Variants in CNOT6L observed in about 807,000 individuals in gnomAD.
CNOT6L encodes the protein CCR4-NOT transcription complex subunit 6-like.
In CNOT6L, 7 loss-of-function variants were observed where a neutral mutation model predicts 64.0. The ratio of observed to expected loss-of-function variants is 0.11; its 90% CI spans 0.06 to 0.21. CNOT6L has a LOEUF of 0.21. CNOT6L is among the 10% of genes least tolerant of loss of function. The pLI is 1.00. For synonymous variants in CNOT6L, 193 were observed against 243.4 expected, an observed-to-expected ratio of 0.79 and a Z score of 1.93; for missense variants, 245 against 669.0, an observed-to-expected ratio of 0.37 and a Z score of 6.99.
intron 5 of CNOT6L, 97 bp from the exon 6 acceptor site, chr4:77,748,481 G>A (rs1176524822): frequency 5.0e-6 from 4 of 793,050 alleles, no homozygotes; most frequent in African/African-American, 3.5e-5. Flanking sequence ...CTATTCTGCT[G>A]TAACGGCCTG....
intron 1 of CNOT6L, among the ~76,000 whole-genome samples, chr4:77,797,124 A>AAAAAAAAC (rs1199636102): frequency 6.6e-6 from 1 of 151,102 alleles, no homozygotes; most frequent in South Asian, 2.1e-4. Flanking sequence ...AAAAAAAAAA[A>AAAAAAAAC]AACTGCCAAG....
At chr4:77,757,003 G>C in intron 4 of CNOT6L, 52 bp from the exon 5 acceptor site, 3 of 846,794 alleles carry the variant, frequency 3.5e-6, no homozygotes, top group Non-Finnish European at 5.6e-6. Context: ...TGCAAGGCAA[G>C]ACAGAAATGT....
intron 8 of CNOT6L, among the ~76,000 whole-genome samples, chr4:77,738,457 A>C (rs1375556805): frequency 1.3e-5 from 2 of 152,066 alleles, no homozygotes; most frequent in Non-Finnish European, 2.9e-5. Context: ...TTATGAGTCT[A>C]AAGCATGTAT....
intron 8 of CNOT6L, among the ~76,000 whole-genome samples, chr4:77,741,312 G>A (rs1273252393): frequency 6.6e-6 from 1 of 152,068 alleles, no homozygotes; most frequent in Non-Finnish European, 1.5e-5. Context: ...TAATATGCTT[G>A]GATCAATAAA....
chr4:77,762,768 A>C (rs979223658), intron 4 of CNOT6L, among the ~76,000 whole-genome samples: 2 of 152,260 alleles, frequency 1.3e-5, no homozygotes, highest in African/African-American at 4.8e-5. Context: ...GACATTCTGG[A>C]AAAGTAGTTG....
chr4:77,800,926 T>TTA (rs1225412470), intron 1 of CNOT6L, among the ~76,000 whole-genome samples: 1 of 152,172 alleles, frequency 6.6e-6, no homozygotes, highest in Admixed American at 6.5e-5. Context: ...CAACTAGCAT[T>TTA]AAACAAAGAG....
chr4:77,783,909 T>C (rs1318374618), intron 1 of CNOT6L, among the ~76,000 whole-genome samples: 2 of 148,990 alleles, frequency 1.3e-5, no homozygotes, highest in East Asian at 3.9e-4. Flanking sequence ...AATATATTAA[T>C]ATTTAATATA....
At chr4:77,793,341 C>T (rs1730387080) in intron 1 of CNOT6L, among the ~76,000 whole-genome samples, 1 of 152,200 alleles carries the variant, frequency 6.6e-6, no homozygotes, top group South Asian at 2.1e-4. Flanking sequence ...TAGGATATAA[C>T]TATCATTCAA....
chr4:77,809,041 A>G (rs939702392), intron 1 of CNOT6L, among the ~76,000 whole-genome samples: 2 of 152,164 alleles, frequency 1.3e-5, no homozygotes, highest in Admixed American at 1.3e-4. Flanking sequence ...GTAGTGTCCT[A>G]AATACTTTAC....
intron 8 of CNOT6L, among the ~76,000 whole-genome samples, chr4:77,737,297 C>T (rs899978672): frequency 1.2e-4 from 18 of 151,908 alleles, no homozygotes; most frequent in African/African-American, 4.3e-4. Flanking sequence ...TGTTCTTGGT[C>T]CCTTTAAGTA....
intron 10 of CNOT6L, among the ~76,000 whole-genome samples, chr4:77,728,629 T>C (rs1314916067): frequency 1.3e-5 from 2 of 152,196 alleles, no homozygotes; most frequent in Non-Finnish European, 2.9e-5. Flanking sequence ...CTAAATCCCC[T>C]AGTGGCAGAG....
chr4:77,754,257 T>C (rs1458593880), intron 5 of CNOT6L, among the ~76,000 whole-genome samples: 1 of 152,176 alleles, frequency 6.6e-6, no homozygotes. Flanking sequence ...TACCAAAAAA[T>C]ATACAAAACT....
chr4:77,737,078 T>C (rs1303717819), intron 8 of CNOT6L, among the ~76,000 whole-genome samples: 1 of 152,186 alleles, frequency 6.6e-6, no homozygotes, highest in Non-Finnish European at 1.5e-5. Context: ...GACTGCCAAC[T>C]ATGAGAAACT....
chr4:77,782,408 T>C (rs181080636), intron 1 of CNOT6L, among the ~76,000 whole-genome samples: 75 of 152,214 alleles, frequency 4.9e-4, no homozygotes, highest in Non-Finnish European at 7.6e-4. Flanking sequence ...TCATAGCTCA[T>C]TGCAAGCTTG....
intron 1 of CNOT6L, among the ~76,000 whole-genome samples, chr4:77,809,164 G>A (rs1732617665): frequency 6.6e-6 from 1 of 152,104 alleles, no homozygotes; most frequent in Admixed American, 6.6e-5. Context: ...CGTAGAGCTG[G>A]AAAGTGGAGG....
At chr4:77,772,369 G>A (rs1727652820) in intron 4 of CNOT6L, among the ~76,000 whole-genome samples, 1 of 152,084 alleles carries the variant, frequency 6.6e-6, no homozygotes, top group Admixed American at 6.6e-5. Context: ...TGGGATTACA[G>A]GCATGCACCA....
At chr4:77,806,022 GTCAA>G (rs1732176369) in intron 1 of CNOT6L, among the ~76,000 whole-genome samples, 1 of 152,148 alleles carries the variant, frequency 6.6e-6, no homozygotes. Flanking sequence ...CTTCCTCATA[GTCAA>G]TCATTGACTT....
intron 1 of CNOT6L, among the ~76,000 whole-genome samples, chr4:77,798,094 G>C (rs1338475501): frequency 6.6e-6 from 1 of 152,172 alleles, no homozygotes; most frequent in African/African-American, 2.4e-5. Flanking sequence ...GGGAGGCCAA[G>C]GAAGGAGAAG....
chr4:77,742,856 CAT>C (rs1357281557), intron 7 of CNOT6L, among the ~76,000 whole-genome samples: 1 of 151,952 alleles, frequency 6.6e-6, no homozygotes, highest in African/African-American at 2.4e-5. Flanking sequence ...TTCTTTGACT[CAT>C]AAAATATTTT....
Sources: gnomAD v4.1 joint callset for allele counts (sites outside exome capture counted in the v4.1 genomes callset) on GRCh38, gnomAD v4.1.1 for gene constraint, MANE v1.5 for transcripts, NCBI Gene and HGNC (gene_info 2026-07-23, HGNC 2026-07-21) for gene names.